SEC24D: variants seen among roughly 807,000 people sequenced by gnomAD.
SEC24D encodes the protein SEC24 homolog D, COPII component.
In SEC24D, 69 loss-of-function variants were observed where a neutral mutation model predicts 116.9. The observed-to-expected ratio is 0.59, with a 90% CI of 0.49 to 0.72. The LOEUF is 0.72. Among genes scored for constraint, SEC24D ranks in the 30% least tolerant of loss-of-function variants. SEC24D has a pLI of 0.00. For synonymous variants in SEC24D, 405 were observed against 442.8 expected, an observed-to-expected ratio of 0.91 and a Z score of 1.07; for missense variants, 1,131 against 1,264.1, an observed-to-expected ratio of 0.89 and a Z score of 1.60.
intron 13 of SEC24D, among the ~76,000 whole-genome samples, 154 bp from the exon 14 acceptor site, chr4:118,745,214 G>T (rs567854994): frequency 6.6e-6 from 1 of 152,026 alleles, no homozygotes; most frequent in African/African-American, 2.4e-5. Context: ...CCTTGGGCAG[G>T]TACTATTCTA....
chr4:118,832,783 A>G (rs1730919227), intron 2 of SEC24D, among the ~76,000 whole-genome samples: 2 of 152,222 alleles, frequency 1.3e-5, no homozygotes, highest in African/African-American at 4.8e-5. Flanking sequence ...AATTATCATT[A>G]TAAATAAATG....
In SEC24D at chr4:118,757,801, A is replaced by T. The variant is rs551458159; in HGVS notation, c.1341T>A (p.Asp447Glu). 2.5e-6 allele frequency: 4 copies of T among 1,612,052 alleles called. No homozygotes were observed. The highest frequency in any genetic ancestry group is 3.3e-5 in the Admixed American group (2 of 59,738). Residue 447 changes from aspartate to glutamate, a missense_variant, in exon 11 of 23, where the codon GAT becomes GAA. Asp to Glu is a conservative substitution (Grantham distance 45). Transcript: ENST00000280551. ...CATTCTTTATGTTACTATATGAAAC[A>T]TCAATCATGAAGATAAAGGCTGGTG... ...PNPPAFIFMI[D>E]VSYSNIKNGL...
intron 10 of SEC24D, among the ~76,000 whole-genome samples, chr4:118,761,581 T>C (rs1727378546): frequency 6.6e-6 from 1 of 152,228 alleles, no homozygotes; most frequent in African/African-American, 2.4e-5. Flanking sequence ...AGTCACAGAC[T>C]AGTGGGCCTA....
At chr4:118,777,256 C>A (rs1180439855) in intron 8 of SEC24D, among the ~76,000 whole-genome samples, 1 of 152,134 alleles carries the variant, frequency 6.6e-6, no homozygotes, top group Non-Finnish European at 1.5e-5. Context: ...CTAATGCTAT[C>A]CCTCCCCCAG....
intron 3 of SEC24D, among the ~76,000 whole-genome samples, chr4:118,821,499 T>A (rs1578475379): frequency 1.3e-5 from 2 of 152,268 alleles, no homozygotes; most frequent in East Asian, 3.9e-4. Flanking sequence ...AAAAGACAAA[T>A]AACTAGGTAT....
At chr4:118,806,508 TG>T (rs754149107) in intron 6 of SEC24D, among the ~76,000 whole-genome samples, 1 of 151,852 alleles carries the variant, frequency 6.6e-6, no homozygotes, top group Non-Finnish European at 1.5e-5. Context: ...TTCATCTTTT[TG>T]TAGAGACAGG....
chr4:118,833,837 G>T, intron 1 of SEC24D, 100 bp from the exon 2 acceptor site: 1 of 598,678 alleles, frequency 1.7e-6, no homozygotes. Context: ...GATGGTTTGA[G>T]GAAAAGTACA....
intron 7 of SEC24D, among the ~76,000 whole-genome samples, chr4:118,801,635 C>CA (rs1729450372): frequency 6.6e-6 from 1 of 152,104 alleles, no homozygotes; most frequent in Non-Finnish European, 1.5e-5. Flanking sequence ...CCATTGCACT[C>CA]AATTATACTC....
chr4:118,789,157 T>A (rs1056767449), intron 8 of SEC24D, among the ~76,000 whole-genome samples: 2 of 152,246 alleles, frequency 1.3e-5, no homozygotes, highest in Admixed American at 1.3e-4. Flanking sequence ...ACTTACCAGC[T>A]GGTAACTTTA....
chr4:118,745,853 T>C (rs914554277), intron 13 of SEC24D, among the ~76,000 whole-genome samples: 11 of 152,020 alleles, frequency 7.2e-5, no homozygotes, highest in African/African-American at 1.5e-4. Flanking sequence ...AGACAATAGC[T>C]CTGATCAGGT....
chr4:118,730,239 AT>A (rs1448542734), intron 21 of SEC24D: 1 of 152,164 alleles, frequency 6.6e-6, no homozygotes, highest in Non-Finnish European at 1.5e-5. Flanking sequence ...ACTGAATTTT[AT>A]TTTTTTAAAT....
At chr4:118,766,239 T>C (rs911283937) in intron 9 of SEC24D, among the ~76,000 whole-genome samples, 1 of 152,194 alleles carries the variant, frequency 6.6e-6, no homozygotes, top group Non-Finnish European at 1.5e-5. Context: ...ACTCATACCA[T>C]AAATCATGTA....
chr4:118,741,760 G>A (rs1174353168), intron 15 of SEC24D, among the ~76,000 whole-genome samples: 1 of 152,130 alleles, frequency 6.6e-6, no homozygotes, highest in Non-Finnish European at 1.5e-5. Flanking sequence ...AAGGAAAGAG[G>A]GAGATCATAG....
chr4:118,792,051 G>T (rs897381628), intron 8 of SEC24D, among the ~76,000 whole-genome samples: 1 of 151,798 alleles, frequency 6.6e-6, no homozygotes, highest in African/African-American at 2.4e-5. Context: ...GAGCGTCTCT[G>T]CCTGGCCGCC....
chr4:118,764,304 T>C (rs1727530913), intron 10 of SEC24D: 1 of 152,008 alleles, frequency 6.6e-6, no homozygotes, highest in East Asian at 1.9e-4. Context: ...AGCAGGAAAA[T>C]CAAAGGCCAG....
At chr4:118,787,548 C>CAA (rs1298319908) in intron 8 of SEC24D, among the ~76,000 whole-genome samples, 1 of 152,122 alleles carries the variant, frequency 6.6e-6, no homozygotes, top group Non-Finnish European at 1.5e-5. Flanking sequence ...TGTGGTGGCT[C>CAA]AAGTCTATAA....
chr4:118,792,766 G>A (rs1227266105), intron 8 of SEC24D, among the ~76,000 whole-genome samples: 1 of 151,962 alleles, frequency 6.6e-6, no homozygotes, highest in East Asian at 1.9e-4. Flanking sequence ...AAGGCGGCAG[G>A]GCCCTCTGCC....
intron 13 of SEC24D, among the ~76,000 whole-genome samples, chr4:118,750,924 C>T (rs1726794265): frequency 6.6e-6 from 1 of 151,516 alleles, no homozygotes; most frequent in Non-Finnish European, 1.5e-5. Context: ...TTAAAAAAAC[C>T]CAAGCAAGAA....
At chr4:118,816,198 G>C (rs1432691289) in intron 4 of SEC24D, among the ~76,000 whole-genome samples, 1 of 151,258 alleles carries the variant, frequency 6.6e-6, no homozygotes, top group Non-Finnish European at 1.5e-5. Flanking sequence ...CAAAGTGCTG[G>C]GATTATAGGT....
Sources: gnomAD v4.1 joint callset for allele counts (sites outside exome capture counted in the v4.1 genomes callset) on GRCh38, gnomAD v4.1.1 for gene constraint, MANE v1.5 for transcripts, NCBI Gene and HGNC (gene_info 2026-07-23, HGNC 2026-07-21) for gene names.